Variants in SENP1 observed in about 807,000 individuals in gnomAD.
SENP1 encodes the protein sentrin-specific protease 1.
A neutral mutation model predicts 93.0 loss-of-function variants in SENP1; 21 were observed. The ratio of observed to expected loss-of-function variants is 0.23; its 90% CI spans 0.16 to 0.33. SENP1 has a LOEUF of 0.33. Ranked by LOEUF, SENP1 falls within the 10% of genes least tolerant of loss-of-function variation. The probability of loss-of-function intolerance (pLI) is 1.00; values close to 1 mark genes in which losing one functional copy is unlikely to be tolerated. For missense variants in SENP1, 591 were observed against 758.7 expected (o/e 0.78, Z 2.60); for synonymous variants, 256 against 259.6 (o/e 0.99, Z 0.13).
At chr12:48,087,952 A>T (rs117100618) in intron 5 of SENP1, among the ~76,000 whole-genome samples, 2 of 152,244 alleles carry the variant, frequency 1.3e-5, no homozygotes, top group Admixed American at 6.5e-5. Context: ...ATCTGAGGGA[A>T]AAGTTTCTAA....
At chr12:48,083,190 C>A (rs1189432356) in intron 6 of SENP1, among the ~76,000 whole-genome samples, 2 of 152,134 alleles carry the variant, frequency 1.3e-5, no homozygotes, top group African/African-American at 2.4e-5. Context: ...TAGGCATGAG[C>A]CACGTCACGT....
chr12:48,058,433 T>C (rs1942734821), intron 13 of SENP1, among the ~76,000 whole-genome samples: 1 of 152,282 alleles, frequency 6.6e-6, no homozygotes, highest in Non-Finnish European at 1.5e-5. Context: ...TCTTTCCAAC[T>C]CTTTTGTATT....
At chr12:48,060,677 T>C (rs1269630227) in intron 13 of SENP1, among the ~76,000 whole-genome samples, 2 of 152,210 alleles carry the variant, frequency 1.3e-5, no homozygotes, top group East Asian at 1.9e-4. Flanking sequence ...CTTGACAACC[T>C]GGGCTCAAGC....
chr12:48,083,567 G>A, intron 6 of SENP1, 24 bp downstream of exon 6: 1 of 1,602,050 alleles, frequency 6.2e-7, no homozygotes, highest in Non-Finnish European at 8.5e-7. Flanking sequence ...ACTTTTAGTA[G>A]CTTTTGTCAC....
At chr12:48,052,010 C>T (rs1423526801) in intron 13 of SENP1, among the ~76,000 whole-genome samples, 3 of 152,204 alleles carry the variant, frequency 2.0e-5, no homozygotes, top group Non-Finnish European at 2.9e-5. Flanking sequence ...TTCCTGCTGC[C>T]TTTGCAGCCT....
chr12:48,094,993 A>G (rs542047698), intron 4 of SENP1, among the ~76,000 whole-genome samples: 27 of 152,326 alleles, frequency 1.8e-4, no homozygotes, highest in African/African-American at 6.3e-4. Flanking sequence ...TAATGGTAGT[A>G]GAGTTACGTT....
At chr12:48,048,179 C>A in intron 14 of SENP1, 99 bp from the exon 15 acceptor site, 1 of 722,164 alleles carries the variant, frequency 1.4e-6, no homozygotes, top group Non-Finnish European at 2.4e-6. Flanking sequence ...GCCAGACTTC[C>A]TACAAAATCA....
intron 13 of SENP1, among the ~76,000 whole-genome samples, chr12:48,053,546 T>C (rs1027146527): frequency 6.6e-6 from 1 of 152,010 alleles, no homozygotes; most frequent in Non-Finnish European, 1.5e-5. Flanking sequence ...ATTCTGACTC[T>C]GCAATAAAAA....
chr12:48,102,431 C>CAAAAAAAAAAAAAAAAAAA (rs57161608), intron 1 of SENP1, among the ~76,000 whole-genome samples: 1 of 47,470 alleles, frequency 2.1e-5, no homozygotes, highest in Non-Finnish European at 3.8e-5. Context: ...GACTCTGTCT[C>CAAAAAAAAAAAAAAAAAAA]AAAAAAAAAA....
At chr12:48,076,518 G>A (rs1239609651) in intron 6 of SENP1, among the ~76,000 whole-genome samples, 1 of 151,772 alleles carries the variant, frequency 6.6e-6, no homozygotes, top group Admixed American at 6.6e-5. Flanking sequence ...TTTTAGTACA[G>A]ACAGGGTTTC....
intron 6 of SENP1, among the ~76,000 whole-genome samples, chr12:48,078,334 TACACACAC>T (rs1555182749): frequency 2.6e-3 from 177 of 67,318 alleles, no homozygotes; most frequent in East Asian, 0.016. Flanking sequence ...TATATATATA[TACACACAC>T]ATATATATAT....
At chr12:48,103,784 C>T (rs1465592572) in intron 1 of SENP1, among the ~76,000 whole-genome samples, 1 of 152,110 alleles carries the variant, frequency 6.6e-6, no homozygotes, top group South Asian at 2.1e-4. Flanking sequence ...TAGTGGAACA[C>T]AAGATAATGG....
chr12:48,056,465 TATAA>T (rs1323053587), intron 13 of SENP1, among the ~76,000 whole-genome samples: 2 of 106,266 alleles, frequency 1.9e-5, no homozygotes, highest in Admixed American at 1.3e-4. Context: ...ATATTACATA[TATAA>T]ATATATTATT....
chr12:48,099,177 A>C (rs964460329), intron 2 of SENP1: 1 of 151,896 alleles, frequency 6.6e-6, no homozygotes, highest in African/African-American at 2.4e-5. Context: ...AAAACAAAAC[A>C]TTAGCCAGAC....
At chr12:48,103,439 T>C (rs1365670318) in intron 1 of SENP1, among the ~76,000 whole-genome samples, 2 of 152,214 alleles carry the variant, frequency 1.3e-5, no homozygotes. Context: ...AAGTAATCCC[T>C]CACTAACCCT....
rs1363382298 is a variant in SENP1 at position 48,088,509 on chromosome 12, T to C, written c.380+292A>G. The C allele has an allele frequency of 8.5e-6, 3 of 353,782 alleles. No homozygotes were observed. The East Asian group carries it at 2.0e-4, about 23-fold the overall frequency. 21.9% of individuals were successfully genotyped at this position (353,782 alleles called of 1,614,324 possible). Reference sequence around the variant, plus strand: ...CTCAAATTGTGGAGATTGACTGATTTTCACTTTAAGATTTGCAAGAGCCAT... The same window carrying C: ...CTCAAATTGTGGAGATTGACTGATTCTCACTTTAAGATTTGCAAGAGCCAT... On this transcript the variant is annotated intron_variant, in intron 5 of 17. Transcript: ENST00000549518.
intron 16 of SENP1, among the ~76,000 whole-genome samples, 183 bp downstream of exon 16, chr12:48,046,795 A>G (rs751367431): frequency 1.2e-4 from 19 of 152,240 alleles, no homozygotes; most frequent in Non-Finnish European, 2.5e-4. Context: ...CTAGTTCTAC[A>G]TAAGAAACAC....
intron 5 of SENP1, 70 bp downstream of exon 5, chr12:48,088,731 T>C (rs1427371648): frequency 7.1e-7 from 1 of 1,407,980 alleles, no homozygotes. Context: ...ATGTAATAAC[T>C]ATCTACCTTT....
chr12:48,055,998 TAATA>T (rs1186958193), intron 13 of SENP1, among the ~76,000 whole-genome samples: 3 of 130,844 alleles, frequency 2.3e-5, no homozygotes, highest in African/African-American at 8.9e-5. Context: ...ATATATTATT[TAATA>T]TATATTTTAA....
Sources: gnomAD v4.1 joint callset for allele counts (sites outside exome capture counted in the v4.1 genomes callset) on GRCh38, gnomAD v4.1.1 for gene constraint, MANE v1.5 for transcripts, NCBI Gene and HGNC (gene_info 2026-07-23, HGNC 2026-07-21) for gene names.